Variants in STARD13 observed in about 807,000 individuals in gnomAD.
STARD13 encodes the protein stAR-related lipid transfer protein 13.
In STARD13, 62 loss-of-function variants were observed where a neutral mutation model predicts 106.4. That is an observed-to-expected ratio of 0.58 (90% confidence interval 0.48 to 0.72). The LOEUF is 0.72. Ranked by LOEUF, STARD13 falls within the 30% of genes least tolerant of loss-of-function variation. STARD13 has a pLI of 0.00. For missense variants in STARD13, 1,387 were observed against 1,424.0 expected, an observed-to-expected ratio of 0.97 and a Z score of 0.42; for synonymous variants, 565 against 553.0, an observed-to-expected ratio of 1.02 and a Z score of -0.31.
rs775695678 is a variant in STARD13, at chr13:33,112,768, G to C, written c.2445C>G (p.Ala815=). ...MTPMNLAVCL[A]PSLFHLNLLK... ...ATAAATTAAGATGAAAGAGGGAGGG[G>C]GCCAGACACACTGCCAGGTTCATGG... Residue 815 remains alanine, a synonymous_variant, in exon 9 of 14, where the codon GCC becomes GCG. Transcript: ENST00000336934. 10 of 1,612,512 alleles carry C rather than the reference G, an allele frequency of 6.2e-6. No homozygotes were observed. In the Admixed American group the frequency reaches 1.7e-4, roughly 27 times the overall value.
the STARD13 span, among the ~76,000 whole-genome samples, chr13:33,662,322 C>T: frequency 6.6e-6 from 1 of 152,030 alleles, no homozygotes; most frequent in Non-Finnish European, 1.5e-5. Flanking sequence ...TCTGGGTTTC[C>T]CAATCAGTTT....
At chr13:33,459,749 T>C in the STARD13 span, among the ~76,000 whole-genome samples, 1 of 152,236 alleles carries the variant, frequency 6.6e-6, no homozygotes, top group Non-Finnish European at 1.5e-5. Flanking sequence ...ACAAGTCTTC[T>C]GGTGCTAAAT....
intron 1 of STARD13, among the ~76,000 whole-genome samples, chr13:33,169,799 G>A (rs1883738737): frequency 6.6e-6 from 1 of 152,128 alleles, no homozygotes; most frequent in African/African-American, 2.4e-5. Context: ...GAAAGAGTTC[G>A]CACCCCTCCA....
chr13:33,471,612 A>G, the STARD13 span, among the ~76,000 whole-genome samples: 1 of 150,730 alleles, frequency 6.6e-6, no homozygotes, highest in Non-Finnish European at 1.5e-5. Context: ...TACATTCACA[A>G]TTCAGTCATA....
the STARD13 span, among the ~76,000 whole-genome samples, chr13:33,369,402 A>G: frequency 2.6e-5 from 4 of 152,312 alleles, no homozygotes; most frequent in African/African-American, 7.2e-5. Flanking sequence ...ACCTTGAAAA[A>G]TCACCATCTT....
At chr13:33,433,626 G>A in the STARD13 span, among the ~76,000 whole-genome samples, 3 of 152,196 alleles carry the variant, frequency 2.0e-5, no homozygotes, top group Non-Finnish European at 4.4e-5. Context: ...GACCTCTTGC[G>A]TTCTGTAGTT....
At chr13:33,300,037 A>T (rs1892651892) in intron 1 of STARD13, among the ~76,000 whole-genome samples, 1 of 152,236 alleles carries the variant, frequency 6.6e-6, no homozygotes, top group Non-Finnish European at 1.5e-5. Context: ...GCTCTAAAGT[A>T]TGATTTCAAG....
At chr13:33,288,968 T>C (rs906732262), upstream of STARD13, among the ~76,000 whole-genome samples, 2 of 152,246 alleles carry the variant, frequency 1.3e-5, no homozygotes, top group Non-Finnish European at 2.9e-5. Flanking sequence ...GTCCCCGTGT[T>C]AGAAGAATTA....
Position 33,103,523 on chromosome 13 carries a change from T to C in STARD13, c.*2070A>G, listed in dbSNP as rs944861217. ...TCTGTTTTAGGGATCTTCTAGGTCCTCGTTTCTGAGTGTGGTTTTAGGCCA... is the reference window on the plus strand; with the variant it reads ...TCTGTTTTAGGGATCTTCTAGGTCCCCGTTTCTGAGTGTGGTTTTAGGCCA... On this transcript the variant is annotated 3_prime_UTR_variant, in exon 14 of 14. Coordinates refer to ENST00000336934, the MANE Select transcript of STARD13 (RefSeq NM_178006.4). The C allele has an allele frequency of 2.0e-5, 3 of 152,684 alleles. No homozygotes were observed. Among genetic ancestry groups the C allele is most frequent in the African/African-American group, 7.2e-5 (3 of 41,468 alleles). 9.5% of individuals were successfully genotyped at this position (152,684 alleles called of 1,614,324 possible).
At chr13:33,128,715 A>T (rs750123764) in intron 5 of STARD13, among the ~76,000 whole-genome samples, 7 of 152,200 alleles carry the variant, frequency 4.6e-5, no homozygotes, top group Non-Finnish European at 8.8e-5. Flanking sequence ...AAAATAAAGG[A>T]TAAGCACAAA....
the STARD13 span, among the ~76,000 whole-genome samples, chr13:33,621,629 G>A: frequency 2.2e-5 from 3 of 133,824 alleles, no homozygotes; most frequent in Non-Finnish European, 3.1e-5. Context: ...GCAGTGAGCC[G>A]AGAACACGCC....
At chr13:33,404,822 G>C in the STARD13 span, among the ~76,000 whole-genome samples, 3,149 of 150,164 alleles carry the variant, frequency 0.021, 113 homozygotes, top group African/African-American at 0.072. Context: ...TGTCGCCCAG[G>C]CTGGAGTGCA....
intron 1 of STARD13, among the ~76,000 whole-genome samples, chr13:33,334,532 C>A (rs546573731): frequency 2.2e-4 from 34 of 152,242 alleles, no homozygotes; most frequent in African/African-American, 8.2e-4. Context: ...ACACAGCGGA[C>A]CCTTGTCAGG....
the STARD13 span, among the ~76,000 whole-genome samples, chr13:33,619,222 C>T: frequency 6.6e-6 from 1 of 152,168 alleles, no homozygotes; most frequent in Non-Finnish European, 1.5e-5. Context: ...TCAAACAGCC[C>T]TAACAAAGAA....
intron 3 of STARD13, among the ~76,000 whole-genome samples, chr13:33,163,379 G>A (rs906828454): frequency 4.0e-5 from 6 of 151,676 alleles, no homozygotes; most frequent in African/African-American, 1.5e-4. Flanking sequence ...TTGAGGCCAG[G>A]AGGAGTTTCA....
rs907111613 is a variant in STARD13 at position 33,130,831 on chromosome 13, G to C, written c.388-542C>G. ...ACTTGATTCTTATCGTGTATTCCCT[G>C]GATAAGGTAACAGCAAAATGAACCA... On this transcript the variant is annotated intron_variant, in intron 4 of 13. Transcript: ENST00000336934. This position sits in a 1 kb window ranked among gnomAD's most constrained non-coding sequence, Gnocchi z 4.1. 3.9e-5 allele frequency among the ~76,000 whole-genome samples: 6 copies of C among 152,154 alleles called. No individual in the cohort carries two copies. The highest frequency in any genetic ancestry group is 1.4e-4 in the African/African-American group (6 of 41,430).
chr13:33,492,044 C>T, the STARD13 span, among the ~76,000 whole-genome samples: 2 of 151,574 alleles, frequency 1.3e-5, no homozygotes, highest in Admixed American at 1.3e-4. Flanking sequence ...TGTTCTTTGG[C>T]GGGCAGGGGT....
chr13:33,429,935 G>A, the STARD13 span, among the ~76,000 whole-genome samples: 3 of 149,796 alleles, frequency 2.0e-5, no homozygotes, highest in African/African-American at 5.0e-5. Flanking sequence ...TTTGGGGGGG[G>A]GGGACGGAGT....
downstream of STARD13, among the ~76,000 whole-genome samples, chr13:33,347,333 T>G (rs1731755477): frequency 6.6e-6 from 1 of 152,124 alleles, no homozygotes; most frequent in Non-Finnish European, 1.5e-5. Flanking sequence ...CCTCCTGGGT[T>G]CAAATGATTC....
Sources: gnomAD v4.1 joint callset for allele counts (sites outside exome capture counted in the v4.1 genomes callset) on GRCh38, gnomAD v4.1.1 for gene constraint, Gnocchi (gnomAD v3.1) non-coding constraint, MANE v1.5 for transcripts, NCBI Gene and HGNC (gene_info 2026-07-23, HGNC 2026-07-21) for gene names.